The following FBXO11 variants were observed in gnomAD, a reference collection of about 807,000 sequenced individuals.
The protein encoded by FBXO11 is F-box protein 11, also known as F-box only protein 11.
Under a neutral mutation model 117.0 loss-of-function variants are expected in FBXO11, and 13 were observed. The observed-to-expected ratio is 0.11, with a 90% CI of 0.07 to 0.18. FBXO11 has a LOEUF of 0.18. Among genes scored for constraint, FBXO11 ranks in the 10% least tolerant of loss-of-function variants. The pLI is 1.00. For missense variants in FBXO11, 767 were observed against 1,164.4 expected, an observed-to-expected ratio of 0.66 and a Z score of 4.97; for synonymous variants, 490 against 380.5, an observed-to-expected ratio of 1.29 and a Z score of -3.35.
intron 1 of FBXO11, among the ~76,000 whole-genome samples, chr2:47,902,511 C>T (rs570385753): frequency 1.7e-4 from 26 of 152,050 alleles, no homozygotes; most frequent in African/African-American, 6.3e-4. Flanking sequence ...TAAGACAAAG[C>T]GTATATACAC....
chr2:47,898,527 G>A (rs577843146), intron 1 of FBXO11, among the ~76,000 whole-genome samples: 14 of 152,306 alleles, frequency 9.2e-5, no homozygotes, highest in African/African-American at 2.9e-4. Flanking sequence ...CATAACTTAT[G>A]AGTAATTCAG....
chr2:47,879,814 G>A (rs530733266), intron 1 of FBXO11, among the ~76,000 whole-genome samples: 1 of 152,068 alleles, frequency 6.6e-6, no homozygotes, highest in South Asian at 2.1e-4. Flanking sequence ...GTTTCTAAGG[G>A]TTTGACTACT....
At chr2:47,808,589 A>G in intron 21 of FBXO11, 162 bp from the exon 22 acceptor site, 1 of 536,248 alleles carries the variant, frequency 1.9e-6, no homozygotes, top group African/African-American at 1.9e-5. Flanking sequence ...TTAATGGAGT[A>G]AGTGATTTTC....
chr2:47,835,449 G>A (rs1672477164), intron 5 of FBXO11, among the ~76,000 whole-genome samples: 1 of 152,078 alleles, frequency 6.6e-6, no homozygotes, highest in Non-Finnish European at 1.5e-5. Context: ...GTAGTGAAAA[G>A]AATTGCTGAA....
intron 5 of FBXO11, 33 bp from the exon 6 acceptor site, chr2:47,834,904 C>T (rs1461900455): frequency 6.9e-7 from 1 of 1,451,308 alleles, no homozygotes; most frequent in South Asian, 1.2e-5. Flanking sequence ...AAACCATTGA[C>T]TACTAACATA....
rs565615075 is a variant in FBXO11 at position 47,809,916 on chromosome 2, A to G, written c.2339-209T>C. The G allele has an allele frequency of 1.5e-5, 8 of 542,278 alleles. No individual in the cohort carries two copies. The South Asian group carries it at 2.1e-4, about 14-fold the overall frequency. 33.6% of individuals were successfully genotyped at this position (542,278 alleles called of 1,614,324 possible). ...GGTCAAAACTGCAATTAACTTTCGC[A>G]CCAACCTAACTGTCTTAAAGTTTAA... On this transcript the variant is annotated intron_variant, in intron 19 of 22. Transcript: ENST00000403359.
rs1266778051 is a variant in FBXO11 at position 47,809,281 on chromosome 2, AGAAT to A, written c.2447-19_2447-16del. Reference sequence around the variant, plus strand: ...TATTTTGTTATCTGTAATAAAAGAAAGAATAAGTAAAAATTCAGAGGAATGTTAA... The same window carrying A: ...TATTTTGTTATCTGTAATAAAAGAAAAAGTAAAAATTCAGAGGAATGTTAA... On this transcript the variant is annotated splice_polypyrimidine_tract_variant and intron_variant, in intron 20 of 22. Coordinates refer to ENST00000403359, the MANE Select transcript of FBXO11 (RefSeq NM_001190274.2). The A allele has an allele frequency of 1.3e-5, 19 of 1,458,424 alleles. No homozygotes were observed. Among genetic ancestry groups the A allele is most frequent in the Non-Finnish European group, 1.8e-5 (19 of 1,056,242 alleles). The allele number at this position is 1,458,424 out of a possible 1,614,324, so 90.3% of individuals were successfully genotyped here. A position where few individuals can be genotyped will look rare whatever the true frequency, so the allele number is the denominator to read the frequency against.
intron 1 of FBXO11, among the ~76,000 whole-genome samples, chr2:47,879,336 C>T (rs1676263016): frequency 6.6e-6 from 1 of 152,182 alleles, no homozygotes; most frequent in African/African-American, 2.4e-5. Flanking sequence ...CAGATATTGA[C>T]CAATTGCCTT....
intron 1 of FBXO11, among the ~76,000 whole-genome samples, chr2:47,894,581 C>T (rs948045713): frequency 2.6e-5 from 4 of 152,092 alleles, no homozygotes; most frequent in African/African-American, 9.7e-5. Flanking sequence ...AGATGTCTTC[C>T]ACTCCTCAAA....
At chr2:47,822,111 C>T in intron 13 of FBXO11, 107 bp downstream of exon 13, 1 of 753,196 alleles carries the variant, frequency 1.3e-6, no homozygotes, top group Non-Finnish European at 2.2e-6. Flanking sequence ...AATTAAAGAG[C>T]TGGATCAGTG....
At position 47,858,977 on chromosome 2, in the gene FBXO11, C is replaced by A. The variant is rs527832682; in HGVS notation, c.233-19208G>T. Among the ~76,000 whole-genome samples, 36 of 145,022 alleles carry A rather than the reference C, an allele frequency of 2.5e-4. 2 individuals are homozygous for A. The highest frequency in any genetic ancestry group is 9.0e-5 in the Non-Finnish European group (6 of 66,916). ...TGGCTTGAATCCGGGAGGCGGAGGT[C>A]GCAGTGAGCAGAGATCGCGCCACTC... On this transcript the variant is annotated intron_variant, in intron 1 of 22. Coordinates refer to ENST00000403359, the MANE Select transcript of FBXO11 (RefSeq NM_001190274.2).
chr2:47,865,315 G>A (rs946834871), intron 1 of FBXO11, among the ~76,000 whole-genome samples: 1 of 152,194 alleles, frequency 6.6e-6, no homozygotes, highest in African/African-American at 2.4e-5. Context: ...ATCTGACTAG[G>A]TTTTGGCCAA....
At chr2:47,897,269 T>C (rs943579804) in intron 1 of FBXO11, among the ~76,000 whole-genome samples, 3 of 152,240 alleles carry the variant, frequency 2.0e-5, no homozygotes, top group South Asian at 2.1e-4. Context: ...AAAAGAATTA[T>C]TGTATCTAAA....
At chr2:47,865,267 G>A (rs1319547797) in intron 1 of FBXO11, among the ~76,000 whole-genome samples, 1 of 152,160 alleles carries the variant, frequency 6.6e-6, no homozygotes, top group Admixed American at 6.6e-5. Context: ...CTTGAATAAA[G>A]CTCACATTTC....
intron 1 of FBXO11, among the ~76,000 whole-genome samples, chr2:47,883,011 C>T (rs560443268): frequency 2.0e-5 from 3 of 152,186 alleles, no homozygotes; most frequent in South Asian, 4.1e-4. Flanking sequence ...CTCCTGTTGC[C>T]CTGCCATCTC....
chr2:47,896,981 G>C (rs943005533), intron 1 of FBXO11, among the ~76,000 whole-genome samples: 8 of 151,962 alleles, frequency 5.3e-5, no homozygotes, highest in African/African-American at 1.9e-4. Flanking sequence ...CTTTTCATTT[G>C]TTAAATTTTA....
chr2:47,900,692 GTA>G (rs1380118965), intron 1 of FBXO11, among the ~76,000 whole-genome samples: 6 of 105,052 alleles, frequency 5.7e-5, no homozygotes, highest in African/African-American at 1.3e-4. Context: ...ATACACACAC[GTA>G]TACACACACG....
At chr2:47,867,971 A>C (rs78878238) in intron 1 of FBXO11, among the ~76,000 whole-genome samples, 12,790 of 152,166 alleles carry the variant, frequency 0.084, 675 homozygotes, top group African/African-American at 0.15. Flanking sequence ...AGCAAGAGTC[A>C]TATACTTAAA....
intron 11 of FBXO11, among the ~76,000 whole-genome samples, chr2:47,831,590 G>C (rs1048517796): frequency 1.3e-5 from 2 of 151,572 alleles, no homozygotes; most frequent in Non-Finnish European, 2.9e-5. Flanking sequence ...CTTGGACTCC[G>C]CAACAAAAAA....
Sources: allele counts gnomAD v4.1 joint callset (sites outside exome capture counted in the v4.1 genomes callset), GRCh38; gene constraint gnomAD v4.1.1; transcripts MANE v1.5; gene names NCBI Gene and HGNC (gene_info 2026-07-23, HGNC 2026-07-21).